PAK5: variants seen among roughly 807,000 people sequenced by gnomAD.
PAK5 encodes p21 (RAC1) activated kinase 5.
A neutral mutation model predicts 65.9 loss-of-function variants in PAK5; 16 were observed. The observed-to-expected ratio is 0.24, with a 90% confidence interval of 0.16 to 0.37. The LOEUF is 0.37. Ranked by LOEUF, PAK5 falls within the 10% of genes least tolerant of loss-of-function variation. The probability of loss-of-function intolerance (pLI) is 1.00; values close to 1 mark genes in which losing one functional copy is unlikely to be tolerated. For missense variants in PAK5, 785 were observed against 903.9 expected (o/e 0.87, Z 1.69); for synonymous variants, 371 against 354.9 (o/e 1.05, Z -0.51).
chr20:9,630,383 A>C (rs1280113305), intron 3 of PAK5, among the ~76,000 whole-genome samples: 1 of 152,212 alleles, frequency 6.6e-6, no homozygotes, highest in Admixed American at 6.5e-5. Context: ...CTTCTCAATC[A>C]AGCCAGAAAA....
chr20:9,743,628 T>C (rs1233392144), intron 1 of PAK5, among the ~76,000 whole-genome samples: 2 of 152,182 alleles, frequency 1.3e-5, no homozygotes, highest in Admixed American at 1.3e-4. Flanking sequence ...AGATTGTGCT[T>C]ATGATTTGCT....
chr20:9,614,881 A>G (rs2046627016), intron 3 of PAK5, among the ~76,000 whole-genome samples: 2 of 152,250 alleles, frequency 1.3e-5, no homozygotes, highest in Admixed American at 6.5e-5. Flanking sequence ...TATCTACATA[A>G]CAAAAGAAAG....
intron 1 of PAK5, among the ~76,000 whole-genome samples, chr20:9,723,105 CG>C (rs2048237189): frequency 6.6e-6 from 1 of 152,064 alleles, no homozygotes; most frequent in Non-Finnish European, 1.5e-5. Context: ...CGTGGAGCAG[CG>C]GGTGCATGAT....
intron 6 of PAK5, among the ~76,000 whole-genome samples, chr20:9,561,836 C>A (rs760226739): frequency 6.6e-6 from 1 of 152,196 alleles, no homozygotes; most frequent in Non-Finnish European, 1.5e-5. Context: ...ATGTAACATG[C>A]TATTTTGTAT....
chr20:9,665,679 A>C, intron 2 of PAK5, among the ~76,000 whole-genome samples: 1 of 145,462 alleles, frequency 6.9e-6, no homozygotes, highest in South Asian at 2.2e-4. Flanking sequence ...TTTTTTTGAG[A>C]TGGGGTCTCG....
At chr20:9,773,700 T>C (rs933835635) in intron 1 of PAK5, among the ~76,000 whole-genome samples, 2 of 152,214 alleles carry the variant, frequency 1.3e-5, no homozygotes, top group African/African-American at 4.8e-5. Flanking sequence ...GTTCGCATAA[T>C]AGACGGCAGA....
rs890633274 is a variant in PAK5 at position 9,708,701 on chromosome 20, C to T, written c.-12+2585G>A. 3.3e-5 allele frequency among the ~76,000 whole-genome samples: 5 copies of T among 152,110 alleles called. No homozygotes were observed. The South Asian group carries it at 1.0e-3, about 32-fold the overall frequency. ...CTCTGGCTGCTGGAGTTTTCTTGGT[C>T]TACATGTATGGCACGTTACAAATAC... On this transcript the variant is annotated intron_variant, in intron 2 of 9. Transcript: ENST00000353224.
intron 1 of PAK5, among the ~76,000 whole-genome samples, chr20:9,757,740 T>A (rs2048651481): frequency 6.6e-6 from 1 of 152,186 alleles, no homozygotes; most frequent in East Asian, 1.9e-4. Flanking sequence ...TCCAAGAACA[T>A]TTTTATGCAC....
intron 2 of PAK5, among the ~76,000 whole-genome samples, chr20:9,700,530 T>C (rs1007990417): frequency 6.6e-6 from 1 of 152,208 alleles, no homozygotes; most frequent in Non-Finnish European, 1.5e-5. Context: ...TTTGAATAGA[T>C]CCATCATGCA....
intron 1 of PAK5, among the ~76,000 whole-genome samples, chr20:9,812,858 C>T (rs928420193): frequency 1.3e-5 from 2 of 152,016 alleles, no homozygotes; most frequent in African/African-American, 4.8e-5. Flanking sequence ...CTTGATGTGA[C>T]GGATATCCCA....
intron 7 of PAK5, among the ~76,000 whole-genome samples, chr20:9,545,748 G>C (rs1321079435): frequency 6.6e-6 from 1 of 152,026 alleles, no homozygotes; most frequent in East Asian, 1.9e-4. Flanking sequence ...TTTCCAACTA[G>C]TGTATATTTC....
chr20:9,792,743 GT>G (rs1251963446), intron 1 of PAK5, among the ~76,000 whole-genome samples: 1 of 152,102 alleles, frequency 6.6e-6, no homozygotes, highest in African/African-American at 2.4e-5. Flanking sequence ...TTTACTACAT[GT>G]TATGGTAGTA....
chr20:9,766,446 G>GCAGAATA lies in PAK5; in HGVS notation c.-161-55012_-161-55011insTATTCTG, dbSNP rs1569079274. Reference sequence around the variant, plus strand: ...ATATATATTCAAGCAGAATATATATGTATATATATATTCAAGCAGAATATA... The same window carrying GCAGAATA: ...ATATATATTCAAGCAGAATATATATGCAGAATATATATATATATTCAAGCAGAATATA... On this transcript the variant is annotated intron_variant, in intron 1 of 9. Transcript: ENST00000353224. 1.3e-4 allele frequency among the ~76,000 whole-genome samples: 2 copies of GCAGAATA among 15,922 alleles called. 1 individual carries two copies. Among genetic ancestry groups the GCAGAATA allele is most frequent in the African/African-American group, 8.2e-4 (2 of 2,452 alleles). 10.4% of individuals were successfully genotyped at this position (15,922 alleles called of 152,430 possible).
At chr20:9,679,772 C>A (rs1195341510) in intron 2 of PAK5, among the ~76,000 whole-genome samples, 1 of 152,190 alleles carries the variant, frequency 6.6e-6, no homozygotes, top group East Asian at 1.9e-4. Context: ...GAATTGATTT[C>A]AAATAAAATC....
intron 1 of PAK5, among the ~76,000 whole-genome samples, chr20:9,764,672 A>T (rs1358201588): frequency 6.6e-6 from 1 of 152,192 alleles, no homozygotes; most frequent in African/African-American, 2.4e-5. Flanking sequence ...TCATATATAG[A>T]AAAGAGTCTT....
chr20:9,644,267 A>T lies in PAK5; in HGVS notation c.62T>A (p.Val21Asp). The change falls in exon 3 of 10, where the codon GTT becomes GAT. Residue 21 changes from valine to aspartate, a missense_variant. This residue lies in a region of PAK5 where 71 missense variants were observed against 110.2 expected (regional missense o/e 0.64). Transcript: ENST00000353224. Reference protein sequence around the residue: ...ISGPSNFEHRVHTGFDPQEQK... With the variant: ...ISGPSNFEHRDHTGFDPQEQK... The stretch of plus-strand genomic sequence containing the variant: ...CTCTTGTGGATCAAACCCAGTATGA[A>T]CCCTGTGTTCAAAGTTGGACGGGCC... 5 of 1,607,192 alleles carry T rather than the reference A, an allele frequency of 3.1e-6. No homozygotes were observed. Among genetic ancestry groups the T allele is most frequent in the Non-Finnish European group, 4.2e-6 (5 of 1,177,892 alleles).
intron 6 of PAK5, 59 bp downstream of exon 6, chr20:9,562,832 C>A: frequency 6.5e-7 from 1 of 1,529,480 alleles, no homozygotes; most frequent in South Asian, 1.1e-5. Context: ...GTCACTGCGG[C>A]TTTATCCTGG....
chr20:9,737,444 A>G (rs1256762183), intron 1 of PAK5, among the ~76,000 whole-genome samples: 1 of 152,214 alleles, frequency 6.6e-6, no homozygotes, highest in Non-Finnish European at 1.5e-5. Flanking sequence ...AGACTGAACA[A>G]TCCTAAATGT....
chr20:9,831,483 T>G (rs1179964773), intron 1 of PAK5, among the ~76,000 whole-genome samples: 1 of 152,246 alleles, frequency 6.6e-6, no homozygotes, highest in East Asian at 1.9e-4. Context: ...ATTTTTTAAT[T>G]CTGATTCATA....
Sources: gnomAD v4.1 joint callset for allele counts (sites outside exome capture counted in the v4.1 genomes callset) on GRCh38, gnomAD v4.1.1 for gene constraint, gnomAD v4.1.1 regional missense constraint, MANE v1.5 for transcripts, NCBI Gene and HGNC (gene_info 2026-07-23, HGNC 2026-07-21) for gene names.